Variants in KATNIP observed in about 807,000 individuals in gnomAD.
KATNIP encodes the protein katanin-interacting protein.
A neutral mutation model predicts 174.0 loss-of-function variants in KATNIP; 126 were observed. The ratio of observed to expected loss-of-function variants is 0.72; its 90% confidence interval spans 0.63 to 0.84. KATNIP has a LOEUF of 0.84. KATNIP is among the 40% of genes least tolerant of loss of function. KATNIP has a pLI of 0.00. For synonymous variants in KATNIP, 810 were observed against 835.7 expected, an observed-to-expected ratio of 0.97 and a Z score of 0.53; for missense variants, 1,958 against 2,109.7, an observed-to-expected ratio of 0.93 and a Z score of 1.41.
intron 14 of KATNIP, among the ~76,000 whole-genome samples, chr16:27,735,248 C>T (rs560860264): frequency 9.9e-5 from 15 of 152,128 alleles, no homozygotes; most frequent in South Asian, 2.1e-4. Flanking sequence ...TCTCTCAGTT[C>T]CCTCTCCGCC....
At chr16:27,709,051 G>A (rs2079449467) in intron 13 of KATNIP, 131 bp downstream of exon 13, 2 of 676,774 alleles carry the variant, frequency 3.0e-6, no homozygotes, top group Non-Finnish European at 5.0e-6. Context: ...AGGTACAGAG[G>A]CTCACACCTG....
At chr16:27,668,454 TTG>T in intron 6 of KATNIP, among the ~76,000 whole-genome samples, 1 of 152,354 alleles carries the variant, frequency 6.6e-6, no homozygotes, top group East Asian at 1.9e-4. Flanking sequence ...AAGAGGTGAC[TTG>T]CTCCTCATTG....
chr16:27,571,776 C>T (rs1373156057), intron 1 of KATNIP, among the ~76,000 whole-genome samples: 3 of 152,232 alleles, frequency 2.0e-5, no homozygotes, highest in Non-Finnish European at 2.9e-5. Flanking sequence ...ACAGTCCCTT[C>T]GCTCTGCATG....
rs1338729673 is a variant in KATNIP, at chr16:27,708,847, C to T, written c.1532C>T (p.Ser511Leu). The T allele has an allele frequency of 4.5e-5, 73 of 1,613,892 alleles. No homozygotes were observed. Among genetic ancestry groups the T allele is most frequent in the Non-Finnish European group, 5.8e-5 (69 of 1,180,036 alleles). Residue 511 changes from serine (S) to leucine (L), a missense_variant, in exon 13 of 28, where the codon TCG becomes TTG. Coordinates refer to ENST00000261588, the MANE Select transcript of KATNIP (RefSeq NM_015202.5). ...FDLNDTKLYV[S>L]PHDVDIRNTA... ...TTGAATGACACAAAGCTTTATGTGTCGCCCCACGATGTGGATATCCGGAAC... is the reference window on the plus strand; with the variant it reads ...TTGAATGACACAAAGCTTTATGTGTTGCCCCACGATGTGGATATCCGGAAC...
At chr16:27,576,996 C>T (rs1052411052) in intron 2 of KATNIP, among the ~76,000 whole-genome samples, 5 of 151,996 alleles carry the variant, frequency 3.3e-5, no homozygotes, top group African/African-American at 4.8e-5. Flanking sequence ...GGGTTGGGAT[C>T]GGGTACTTCT....
At chr16:27,726,813 A>G (rs2080469167) in intron 14 of KATNIP, among the ~76,000 whole-genome samples, 1 of 152,228 alleles carries the variant, frequency 6.6e-6, no homozygotes, top group Middle Eastern at 3.2e-3. Context: ...CAGCAGGAGC[A>G]AAGGCCCTGC....
intron 13 of KATNIP, among the ~76,000 whole-genome samples, chr16:27,712,915 C>A (rs116160101): frequency 0.037 from 5,660 of 152,200 alleles, 350 homozygotes; most frequent in African/African-American, 0.13. Flanking sequence ...AAGCCACCCC[C>A]CAACCTCAGC....
Position 27,609,378 on chromosome 16 carries a change from C to CTTTTT in KATNIP, c.64-9021_64-9017dup, listed in dbSNP as rs35339029. Among the ~76,000 whole-genome samples, 7 of 55,636 alleles carry CTTTTT rather than the reference C, an allele frequency of 1.3e-4. 1 individual carries two copies. The highest frequency in any genetic ancestry group is 1.6e-4 in the African/African-American group (2 of 12,238). The allele number at this position is 55,636 out of a possible 152,430, so 36.5% of individuals were successfully genotyped here. On this transcript the variant is annotated intron_variant, in intron 2 of 27. Coordinates refer to ENST00000261588, the MANE Select transcript of KATNIP (RefSeq NM_015202.5). Reference sequence around the variant, plus strand: ...TGAGAAGGGAATATCTGAGTTAAGTCTTTTTTTTTTTTTTTTTTTTTTTTT... The same window carrying CTTTTT: ...TGAGAAGGGAATATCTGAGTTAAGTCTTTTTTTTTTTTTTTTTTTTTTTTTTTTTT...
chr16:27,739,074 C>G (rs2081006208), intron 14 of KATNIP, among the ~76,000 whole-genome samples: 1 of 151,712 alleles, frequency 6.6e-6, no homozygotes, highest in East Asian at 1.9e-4. Flanking sequence ...GGAGACAACG[C>G]AGAGTGGAAG....
intron 2 of KATNIP, among the ~76,000 whole-genome samples, chr16:27,603,990 G>T (rs755795464): frequency 1.3e-5 from 2 of 152,098 alleles, no homozygotes; most frequent in African/African-American, 4.8e-5. Context: ...ACCTGCCTCG[G>T]CCTTCCAAAG....
At chr16:27,572,473 C>T (rs1458762910) in intron 1 of KATNIP, among the ~76,000 whole-genome samples, 1 of 151,980 alleles carries the variant, frequency 6.6e-6, no homozygotes, top group African/African-American at 2.4e-5. Flanking sequence ...CTCTGTTAGT[C>T]TACCCCAAGG....
chr16:27,690,607 C>CA (rs1380363624), intron 8 of KATNIP, among the ~76,000 whole-genome samples: 1 of 152,202 alleles, frequency 6.6e-6, no homozygotes, highest in Admixed American at 6.5e-5. Context: ...TTGGAGCACT[C>CA]AGGCCTAGAA....
intron 6 of KATNIP, among the ~76,000 whole-genome samples, chr16:27,658,590 A>C (rs1194993599): frequency 6.6e-6 from 1 of 152,226 alleles, no homozygotes; most frequent in Non-Finnish European, 1.5e-5. Context: ...CACCAAGGTC[A>C]GAAAGGTACA....
intron 3 of KATNIP, 25 bp from the exon 4 acceptor site, chr16:27,628,636 G>A: frequency 6.2e-7 from 1 of 1,612,082 alleles, no homozygotes; most frequent in East Asian, 2.2e-5. Flanking sequence ...TGATGAGGAG[G>A]AACAACCCAC....
At chr16:27,721,456 C>A (rs1234006836) in intron 13 of KATNIP, 102 bp from the exon 14 acceptor site, 2 of 1,418,638 alleles carry the variant, frequency 1.4e-6, no homozygotes, top group Non-Finnish European at 2.0e-6. Context: ...GAGCCCTCAC[C>A]AGGCCTCTCC....
chr16:27,740,550 C>G lies in KATNIP; in HGVS notation c.2253C>G (p.Thr751=). The G allele has an allele frequency of 6.2e-7, 1 of 1,614,158 alleles. No individual in the cohort carries two copies. The highest frequency in any genetic ancestry group is 8.5e-7 in the Non-Finnish European group (1 of 1,180,038). The change falls in exon 15 of 28, where the codon ACC becomes ACG. Residue 751 remains threonine (T), a synonymous_variant. Transcript: ENST00000261588. ...AAATCTGTGAGCCACCCGGGAAAAC[C>G]CCATCCTGGTTACAACCTTCTCCCA... ...GRKICEPPGK[T]PSWLQPSPTG...
chr16:27,627,347 A>T (rs560247744), intron 3 of KATNIP, among the ~76,000 whole-genome samples: 44 of 152,300 alleles, frequency 2.9e-4, no homozygotes, highest in African/African-American at 9.6e-4. Flanking sequence ...AGTGTTCCTA[A>T]GCATGAGGCT....
intron 8 of KATNIP, among the ~76,000 whole-genome samples, chr16:27,689,752 T>C (rs1036937334): frequency 3.9e-5 from 6 of 152,316 alleles, no homozygotes; most frequent in African/African-American, 1.2e-4. Flanking sequence ...TGATTGCTCA[T>C]GAGTCTGTGG....
intron 2 of KATNIP, among the ~76,000 whole-genome samples, chr16:27,594,184 C>A (rs1019824879): frequency 1.3e-5 from 2 of 151,970 alleles, no homozygotes; most frequent in Admixed American, 6.6e-5. Context: ...CACTCGAGCC[C>A]AGGAAGCCAA....
Sources: allele counts gnomAD v4.1 joint callset (sites outside exome capture counted in the v4.1 genomes callset), GRCh38; gene constraint gnomAD v4.1.1; transcripts MANE v1.5; gene names NCBI Gene and HGNC (gene_info 2026-07-23, HGNC 2026-07-21).